Variants in EVC observed in about 807,000 individuals in gnomAD.
The protein encoded by EVC is EvC ciliary complex subunit 1, also known as evC complex member EVC.
Under a neutral mutation model 118.9 loss-of-function variants are expected in EVC, and 116 were observed. The observed-to-expected ratio is 0.98, with a 90% CI of 0.84 to 1.14. The LOEUF (loss-of-function observed/expected upper bound fraction) is 1.14. EVC is among the 50% of genes most tolerant of loss of function. The probability of loss-of-function intolerance (pLI) is 0.00; values close to 1 mark genes in which losing one functional copy is unlikely to be tolerated. For missense variants in EVC, 1,401 were observed against 1,246.4 expected (o/e 1.12, Z -1.87); for synonymous variants, 619 against 534.7 (o/e 1.16, Z -2.18).
intron 16 of EVC, 28 bp from the exon 17 acceptor site, chr4:5,804,702 C>G (rs1715577594): frequency 5.0e-6 from 8 of 1,605,744 alleles, no homozygotes; most frequent in Non-Finnish European, 6.8e-6. Flanking sequence ...AAACAGACCC[C>G]TTGATTGTCC....
At chr4:5,740,281 G>A (rs1045782918) in intron 5 of EVC, among the ~76,000 whole-genome samples, 104 of 151,952 alleles carry the variant, frequency 6.8e-4, no homozygotes, top group Non-Finnish European at 4.0e-4. Flanking sequence ...GACCAGCCTG[G>A]CCAACATGGT....
At chr4:5,721,099 G>A (rs1269698029) in intron 2 of EVC, among the ~76,000 whole-genome samples, 1 of 151,970 alleles carries the variant, frequency 6.6e-6, no homozygotes, top group African/African-American at 2.4e-5. Flanking sequence ...GCATCTCCCT[G>A]TCTCTGTGTC....
chr4:5,721,265 A>G (rs764725097), intron 2 of EVC, among the ~76,000 whole-genome samples: 5 of 152,214 alleles, frequency 3.3e-5, no homozygotes, highest in South Asian at 2.1e-4. Flanking sequence ...GAAACAACCC[A>G]AATAGAAAAA....
intron 12 of EVC, among the ~76,000 whole-genome samples, chr4:5,788,637 A>G (rs778258101): frequency 1.3e-5 from 2 of 152,188 alleles, no homozygotes; most frequent in African/African-American, 4.8e-5. Flanking sequence ...CACACCCTAC[A>G]TCGGTGGACA....
At chr4:5,741,279 G>T (rs1317764352) in intron 5 of EVC, among the ~76,000 whole-genome samples, 1 of 152,216 alleles carries the variant, frequency 6.6e-6, no homozygotes, top group Non-Finnish European at 1.5e-5. Context: ...CTAGTTTAAA[G>T]GACATCTCCA....
In EVC at chr4:5,711,705, C is replaced by T. The variant is rs75071940; in HGVS notation, c.174+151C>T. ...TTAGGCGTCGGGTTCCCCTTCTGCT[C>T]CAGGAGGGAGGTGGCGGCGTGACTA... On this transcript the variant is annotated intron_variant, in intron 1 of 20. Transcript: ENST00000264956. 3.9e-3 allele frequency: 2,634 copies of T among 678,038 alleles called. 47 individuals are homozygous for T. The African/African-American group carries it at 0.041, about 11-fold the overall frequency. 42.0% of individuals were successfully genotyped at this position (678,038 alleles called of 1,614,324 possible). A position where few individuals can be genotyped will look rare whatever the true frequency, so the allele number is the denominator to read the frequency against.
intron 11 of EVC, among the ~76,000 whole-genome samples, chr4:5,764,132 A>C (rs79612988): frequency 0.35 from 49,660 of 140,016 alleles, 8,174 homozygotes; most frequent in Admixed American, 0.46. Context: ...ATTTTGTCAA[A>C]GGCCTTTTCT....
intron 16 of EVC, among the ~76,000 whole-genome samples, chr4:5,802,461 G>A (rs1268014340): frequency 2.0e-5 from 3 of 152,082 alleles, no homozygotes; most frequent in Non-Finnish European, 4.4e-5. Context: ...AGAGGGAAAT[G>A]GTTTCAGACG....
chr4:5,742,925 G>A lies in EVC; in HGVS notation c.801+1111G>A, dbSNP rs1055288396. On this transcript the variant is annotated intron_variant, in intron 6 of 20. Transcript: ENST00000264956. The surrounding 1 kb of genome is among the most constrained non-coding windows in gnomAD (Gnocchi z 5.2). The stretch of plus-strand genomic sequence containing the variant: ...CCTTGCGGAGCAGGGCTAACCCGTA[G>A]GCAGTGTGCCCAGAGTTGGTAACAT... 5.9e-5 allele frequency among the ~76,000 whole-genome samples: 9 copies of A among 152,232 alleles called. No individual in the cohort carries two copies. The highest frequency in any genetic ancestry group is 1.2e-4 in the Non-Finnish European group (8 of 68,038).
At chr4:5,761,755 G>A (rs1263783011) in intron 11 of EVC, among the ~76,000 whole-genome samples, 1 of 151,836 alleles carries the variant, frequency 6.6e-6, no homozygotes, top group African/African-American at 2.4e-5. Flanking sequence ...AAAGCCTTAT[G>A]GTGGTTGGCT....
rs150956183 is a variant in EVC at position 5,728,734 on chromosome 4, G to A, written c.301-573G>A. On this transcript the variant is annotated intron_variant, in intron 2 of 20. Coordinates refer to ENST00000264956, the MANE Select transcript of EVC (RefSeq NM_153717.3). ...TTAAGGGTCTAATCCCAACTCTTGT[G>A]TGTGAATATGACTGCATGTGCTTAT... is the stretch of plus-strand genomic sequence containing the variant. Among the ~76,000 whole-genome samples, 298 of 152,272 alleles carry A rather than the reference G, an allele frequency of 2.0e-3. 3 individuals carry two copies. The highest frequency in any genetic ancestry group is 6.5e-3 in the African/African-American group (272 of 41,546).
At chr4:5,762,223 T>G (rs9999201) in intron 11 of EVC, among the ~76,000 whole-genome samples, 1 of 90,304 alleles carries the variant, frequency 1.1e-5, no homozygotes, top group Non-Finnish European at 2.5e-5. Context: ...CCTACAAAGG[T>G]AATGAACTCA....
intron 12 of EVC, 95 bp from the exon 13 acceptor site, chr4:5,793,513 G>A (rs1007006577): frequency 3.9e-6 from 4 of 1,035,678 alleles, no homozygotes; most frequent in African/African-American, 1.6e-5. Context: ...AAAAAGAAAC[G>A]CACACAAACA....
intron 2 of EVC, among the ~76,000 whole-genome samples, chr4:5,725,706 A>G (rs1293670990): frequency 6.6e-6 from 1 of 152,206 alleles, no homozygotes; most frequent in East Asian, 1.9e-4. Context: ...TTTGCTGTGC[A>G]GAAGCTCTTT....
intron 1 of EVC, 135 bp downstream of exon 1, chr4:5,711,689 G>A (rs2151770667): frequency 3.8e-6 from 3 of 780,410 alleles, no homozygotes; most frequent in Non-Finnish European, 4.8e-6. Context: ...CTTAGGCGTC[G>A]GGTTCCCCTT....
At chr4:5,824,395 T>G in the EVC span, 6 of 985,372 alleles carry the variant, frequency 6.1e-6, no homozygotes, top group Non-Finnish European at 4.8e-6. Context: ...CCTCCTTGAT[T>G]CATGCCTCCT....
chr4:5,737,877 A>G lies in EVC; in HGVS notation c.703-3839A>G, dbSNP rs1028501444. 2.6e-5 allele frequency among the ~76,000 whole-genome samples: 4 copies of G among 152,226 alleles called. No homozygotes were observed. The East Asian group carries it at 5.8e-4, about 22-fold the overall frequency. Reference sequence around the variant, plus strand: ...GCCTATTGATTAAAGAGTAATTTCAACTTTCAAGTCTTATTATTTAAGAAA... The same window carrying G: ...GCCTATTGATTAAAGAGTAATTTCAGCTTTCAAGTCTTATTATTTAAGAAA... On this transcript the variant is annotated intron_variant, in intron 5 of 20. Coordinates refer to ENST00000264956, the MANE Select transcript of EVC (RefSeq NM_153717.3). The surrounding 1 kb of genome is among the most constrained non-coding windows in gnomAD (Gnocchi z 5.0).
chr4:5,782,190 C>T (rs1735697062), intron 11 of EVC, among the ~76,000 whole-genome samples: 2 of 152,046 alleles, frequency 1.3e-5, no homozygotes, highest in Non-Finnish European at 2.9e-5. Context: ...TCTCCTGCCT[C>T]AGCCTCCCAA....
intron 11 of EVC, among the ~76,000 whole-genome samples, chr4:5,762,610 G>A (rs1282120754): frequency 1.3e-5 from 2 of 149,702 alleles, no homozygotes; most frequent in Admixed American, 1.3e-4. Flanking sequence ...GGTGTGAGAT[G>A]GTATCTCATT....
Sources: allele counts gnomAD v4.1 joint callset (sites outside exome capture counted in the v4.1 genomes callset), GRCh38; gene constraint gnomAD v4.1.1; non-coding constraint Gnocchi (gnomAD v3.1); transcripts MANE v1.5; gene names NCBI Gene and HGNC (gene_info 2026-07-23, HGNC 2026-07-21).